Variants in KIAA0825 observed in about 807,000 individuals in gnomAD.
KIAA0825 encodes KIAA0825.
A neutral mutation model predicts 147.6 loss-of-function variants in KIAA0825; 119 were observed. The observed-to-expected ratio is 0.81, with a 90% CI of 0.69 to 0.94. KIAA0825 has a LOEUF of 0.94. KIAA0825 is among the 40% of genes least tolerant of loss of function. The pLI, the probability that KIAA0825 is intolerant of heterozygous loss-of-function variation, is 0.00. For synonymous variants in KIAA0825, 470 were observed against 518.1 expected (o/e 0.91, Z 1.26); for missense variants, 1,381 against 1,472.7 (o/e 0.94, Z 1.02).
intron 14 of KIAA0825, among the ~76,000 whole-genome samples, chr5:94,426,934 G>A (rs1427224070): frequency 1.3e-5 from 2 of 152,074 alleles, no homozygotes; most frequent in East Asian, 3.9e-4. Flanking sequence ...GTTATGTGGT[G>A]TCAGCCAAGA....
chr5:94,250,132 A>G (rs1336233745), intron 20 of KIAA0825, among the ~76,000 whole-genome samples: 1 of 152,088 alleles, frequency 6.6e-6, no homozygotes. Context: ...ACTTTAGCCA[A>G]TCCAATACAT....
In KIAA0825 at chr5:94,469,976, G is replaced by T; in HGVS notation, c.1857C>A (p.Tyr619Ter). 6.4e-7 allele frequency: 1 copy of T among 1,551,424 alleles called. No individual in the cohort carries two copies. The highest frequency in any genetic ancestry group is 8.7e-7 in the Non-Finnish European group (1 of 1,146,780). ...AACTTCACACCTCATAAAAAGCTTT[G>T]TAGTCATCCCAGTGGTGGCTCTCAG... The part of the protein sequence containing the change: ...QDAESHHWDD[Y>*]KAFYEGERCS... The change falls in exon 10 of 21, where the codon TAC becomes TAA. Residue 619 changes from tyrosine (Y) to a stop codon, truncating the protein, a stop_gained. Transcript: ENST00000682413. LOFTEE classifies it high-confidence loss of function.
intron 20 of KIAA0825, among the ~76,000 whole-genome samples, chr5:94,357,099 A>G (rs1784368635): frequency 6.6e-6 from 1 of 152,228 alleles, no homozygotes; most frequent in Admixed American, 6.5e-5. Context: ...AGAGAAAGAC[A>G]AAGAACCACA....
At chr5:94,557,483 A>C (rs1776761215) in intron 2 of KIAA0825, among the ~76,000 whole-genome samples, 1 of 151,712 alleles carries the variant, frequency 6.6e-6, no homozygotes, top group African/African-American at 2.4e-5. Context: ...GATGGGATCT[A>C]ACCCTAGTCA....
At chr5:94,613,535 G>A (rs1789512660) in intron 1 of KIAA0825, among the ~76,000 whole-genome samples, 1 of 152,114 alleles carries the variant, frequency 6.6e-6, no homozygotes, top group Admixed American at 6.6e-5. Context: ...TCTGCATTTG[G>A]CTTTAGTGTT....
intron 3 of KIAA0825, among the ~76,000 whole-genome samples, chr5:94,530,390 T>C (rs978011532): frequency 1.3e-5 from 2 of 149,686 alleles, no homozygotes; most frequent in Non-Finnish European, 3.0e-5. Context: ...GCTCAAGCAA[T>C]CCTCTGGCCT....
intron 20 of KIAA0825, among the ~76,000 whole-genome samples, chr5:94,172,322 C>T (rs1010094029): frequency 1.3e-5 from 2 of 152,146 alleles, no homozygotes; most frequent in African/African-American, 4.8e-5. Flanking sequence ...GGCTTAGGGT[C>T]AGAACTATCA....
intron 14 of KIAA0825, among the ~76,000 whole-genome samples, chr5:94,435,818 C>A (rs1756290043): frequency 6.6e-6 from 1 of 152,150 alleles, no homozygotes; most frequent in African/African-American, 2.4e-5. Flanking sequence ...GCCATTCTGA[C>A]TGGTGTGAGA....
chr5:94,212,993 T>C (rs1285303875), intron 20 of KIAA0825, among the ~76,000 whole-genome samples: 1 of 152,202 alleles, frequency 6.6e-6, no homozygotes, highest in Non-Finnish European at 1.5e-5. Context: ...ATAAAATACA[T>C]TATGTACATT....
chr5:94,289,636 T>C (rs972739038), intron 20 of KIAA0825, among the ~76,000 whole-genome samples: 8 of 152,070 alleles, frequency 5.3e-5, no homozygotes, highest in African/African-American at 1.9e-4. Flanking sequence ...TGGCTGTTTT[T>C]TGAAATTTGG....
chr5:94,189,598 A>G (rs1314237544), intron 20 of KIAA0825, among the ~76,000 whole-genome samples: 1 of 152,060 alleles, frequency 6.6e-6, no homozygotes, highest in African/African-American at 2.4e-5. Context: ...GCATGGATCT[A>G]TTTCTAGACT....
At chr5:94,245,809 A>G (rs1277193179) in intron 20 of KIAA0825, among the ~76,000 whole-genome samples, 2 of 152,154 alleles carry the variant, frequency 1.3e-5, no homozygotes, top group Admixed American at 1.3e-4. Flanking sequence ...AGGTCTTGAG[A>G]AACCACAATT....
intron 14 of KIAA0825, among the ~76,000 whole-genome samples, chr5:94,422,069 C>A (rs921977566): frequency 6.7e-6 from 1 of 150,198 alleles, no homozygotes; most frequent in Non-Finnish European, 1.5e-5. Flanking sequence ...TTTTAACCTG[C>A]TCTTTAAGTT....
intron 20 of KIAA0825, among the ~76,000 whole-genome samples, chr5:94,370,406 T>G (rs1177963603): frequency 6.6e-6 from 1 of 152,148 alleles, no homozygotes; most frequent in Admixed American, 6.5e-5. Context: ...AACACTGAAT[T>G]TTACTTCAGT....
chr5:94,209,122 G>C (rs1422016013), intron 20 of KIAA0825, among the ~76,000 whole-genome samples: 1 of 152,182 alleles, frequency 6.6e-6, no homozygotes, highest in Non-Finnish European at 1.5e-5. Context: ...TATAATTTTA[G>C]GTAATGGAAG....
chr5:94,422,189 A>G (rs1390008346), intron 14 of KIAA0825, among the ~76,000 whole-genome samples: 6 of 152,138 alleles, frequency 3.9e-5, no homozygotes, highest in Admixed American at 3.9e-4. Flanking sequence ...TTTTACCCTG[A>G]AGCAGGCCTT....
intron 2 of KIAA0825, among the ~76,000 whole-genome samples, chr5:94,546,216 T>G (rs557058781): frequency 6.6e-6 from 1 of 152,132 alleles, no homozygotes; most frequent in Non-Finnish European, 1.5e-5. Context: ...GAACACCAGA[T>G]AGATTTCTAA....
In KIAA0825 at chr5:94,520,767, C is replaced by G. The variant is rs1357499195; in HGVS notation, c.451G>C (p.Asp151His). 1 of 1,613,220 alleles carries G rather than the reference C, an allele frequency of 6.2e-7. No individual in the cohort carries two copies. Among genetic ancestry groups the G allele is most frequent in the East Asian group, 2.2e-5 (1 of 44,858 alleles). Residue 151 changes from aspartate to histidine, a missense_variant, in exon 5 of 21, where the codon GAT becomes CAT. Transcript: ENST00000682413. ...LSRTSLHSVE[D>H]NSSMDVKSMW... Reference sequence around the variant, plus strand: ...GACTTGACATCCATAGAGGAATTATCTTCAACAGAATGAAGAGACGTCCTA... The same window carrying G: ...GACTTGACATCCATAGAGGAATTATGTTCAACAGAATGAAGAGACGTCCTA...
In KIAA0825 at chr5:94,583,231, G is replaced by A. The variant is rs375891621; in HGVS notation, c.-152-648C>T. On this transcript the variant is annotated intron_variant, in intron 1 of 20. Coordinates refer to ENST00000682413, the MANE Select transcript of KIAA0825 (RefSeq NM_001145678.3). ...AGCAGGCCGGGAAGTGCAAAGGGTC[G>A]TGGGATTTCCCTTTCCTAGCCAAGG... Among the ~76,000 whole-genome samples, 92 of 152,322 alleles carry A rather than the reference G, an allele frequency of 6.0e-4. 1 individual carries two copies. In the South Asian group the frequency reaches 0.016, roughly 27 times the overall value.
Sources: allele counts gnomAD v4.1 joint callset (sites outside exome capture counted in the v4.1 genomes callset), GRCh38; gene constraint gnomAD v4.1.1; transcripts MANE v1.5; gene names NCBI Gene and HGNC (gene_info 2026-07-23, HGNC 2026-07-21).